The following SPOCK3 variants were observed in gnomAD, a reference collection of about 807,000 sequenced individuals.
SPOCK3 encodes testican-3.
Under a neutral mutation model 56.6 loss-of-function variants are expected in SPOCK3, and 30 were observed. The ratio of observed to expected loss-of-function variants is 0.53; its 90% CI spans 0.40 to 0.72. SPOCK3 has a LOEUF of 0.72. Among genes scored for constraint, SPOCK3 ranks in the 30% least tolerant of loss-of-function variants. SPOCK3 has a pLI of 0.00. For missense variants in SPOCK3, 527 were observed against 530.0 expected (o/e 0.99, Z 0.06); for synonymous variants, 196 against 183.3 (o/e 1.07, Z -0.56).
At chr4:167,164,458 T>G (rs1357762346) in intron 2 of SPOCK3, among the ~76,000 whole-genome samples, 1 of 152,146 alleles carries the variant, frequency 6.6e-6, no homozygotes, top group African/African-American at 2.4e-5. Context: ...AAGTTCAGGA[T>G]ACATGTGCAG....
At chr4:166,941,184 C>A (rs1006519702) in intron 4 of SPOCK3, among the ~76,000 whole-genome samples, 10 of 150,118 alleles carry the variant, frequency 6.7e-5, no homozygotes, top group African/African-American at 2.2e-4. Context: ...TTATGCCTCC[C>A]AAGAATGTAG....
At chr4:166,765,440 G>A (rs1053605353) in intron 7 of SPOCK3, among the ~76,000 whole-genome samples, 1 of 152,178 alleles carries the variant, frequency 6.6e-6, no homozygotes, top group Non-Finnish European at 1.5e-5. Flanking sequence ...TTATTAAAAA[G>A]GGAATCCTTT....
intron 6 of SPOCK3, among the ~76,000 whole-genome samples, chr4:166,861,725 C>T (rs868167592): frequency 6.6e-6 from 1 of 152,046 alleles, no homozygotes; most frequent in Non-Finnish European, 1.5e-5. Flanking sequence ...TCCTAAGAGC[C>T]TGATTAGACA....
chr4:167,140,853 T>A (rs570423085), intron 2 of SPOCK3, among the ~76,000 whole-genome samples: 4 of 152,164 alleles, frequency 2.6e-5, no homozygotes, highest in African/African-American at 9.6e-5. Context: ...TCGTTCTCTC[T>A]GCTTTAAAGA....
chr4:167,206,526 G>A (rs1734352315), intron 2 of SPOCK3, among the ~76,000 whole-genome samples: 1 of 151,902 alleles, frequency 6.6e-6, no homozygotes, highest in South Asian at 2.1e-4. Flanking sequence ...TGTTTAAAAA[G>A]TTCATCAGCA....
At chr4:166,875,858 G>C (rs1015364628) in intron 6 of SPOCK3, among the ~76,000 whole-genome samples, 44 of 152,124 alleles carry the variant, frequency 2.9e-4, no homozygotes, top group African/African-American at 9.4e-4. Context: ...TCAGAAATTT[G>C]GTCAGTAATT....
At chr4:166,740,584 G>A (rs1316282173) in intron 9 of SPOCK3, among the ~76,000 whole-genome samples, 1 of 151,404 alleles carries the variant, frequency 6.6e-6, no homozygotes. Flanking sequence ...GGTGTACGGT[G>A]GTGCCATCTC....
intron 4 of SPOCK3, among the ~76,000 whole-genome samples, chr4:166,931,124 G>A (rs1192088933): frequency 3.9e-5 from 6 of 152,162 alleles, no homozygotes; most frequent in African/African-American, 4.8e-5. Flanking sequence ...TGAGATGACA[G>A]GCGCCCGCCA....
chr4:167,063,833 G>A (rs932800509), intron 2 of SPOCK3, among the ~76,000 whole-genome samples: 10 of 151,754 alleles, frequency 6.6e-5, no homozygotes, highest in East Asian at 3.9e-4. Flanking sequence ...TTCCACCCAC[G>A]TTGAGGCAAA....
At chr4:167,097,858 G>A (rs913962361) in intron 2 of SPOCK3, among the ~76,000 whole-genome samples, 1 of 152,004 alleles carries the variant, frequency 6.6e-6, no homozygotes, top group Non-Finnish European at 1.5e-5. Flanking sequence ...GGAATACCAT[G>A]CAGCCATAGA....
chr4:167,233,871 TA>T (rs1396656358), intron 2 of SPOCK3, 113 bp downstream of exon 2: 3 of 915,898 alleles, frequency 3.3e-6, no homozygotes, highest in Non-Finnish European at 5.2e-6. Flanking sequence ...CGCGTTTCCC[TA>T]AACCCCTCTC....
At chr4:167,069,990 T>C (rs1276721286) in intron 2 of SPOCK3, among the ~76,000 whole-genome samples, 1 of 151,952 alleles carries the variant, frequency 6.6e-6, no homozygotes, top group Non-Finnish European at 1.5e-5. Context: ...AAACTTACTT[T>C]CCTGACTAAC....
At chr4:167,183,536 T>C (rs908096363) in intron 2 of SPOCK3, among the ~76,000 whole-genome samples, 1 of 152,128 alleles carries the variant, frequency 6.6e-6, no homozygotes, top group African/African-American at 2.4e-5. Flanking sequence ...AATGTGATAC[T>C]GAAGTGCTTT....
chr4:167,019,326 TA>T (rs1011129759), intron 3 of SPOCK3, among the ~76,000 whole-genome samples: 2 of 152,160 alleles, frequency 1.3e-5, no homozygotes, highest in Admixed American at 6.6e-5. Context: ...AATAAAAGGC[TA>T]AATTTTTCTG....
At chr4:166,777,787 T>C (rs553075048) in intron 7 of SPOCK3, among the ~76,000 whole-genome samples, 1 of 152,274 alleles carries the variant, frequency 6.6e-6, no homozygotes, top group African/African-American at 2.4e-5. Context: ...CCAAAAAACC[T>C]GGGGTTAAAT....
chr4:167,208,207 G>GA (rs899044786), intron 2 of SPOCK3, among the ~76,000 whole-genome samples: 18 of 150,398 alleles, frequency 1.2e-4, no homozygotes, highest in South Asian at 2.1e-4. Context: ...CGAAAAGTGG[G>GA]AAAAAAAAAC....
At chr4:167,200,112 A>G (rs1733373099) in intron 2 of SPOCK3, among the ~76,000 whole-genome samples, 1 of 152,084 alleles carries the variant, frequency 6.6e-6, no homozygotes, top group African/African-American at 2.4e-5. Flanking sequence ...TGTTCCATAG[A>G]TATTACTAAA....
intron 2 of SPOCK3, among the ~76,000 whole-genome samples, chr4:167,127,019 T>A (rs1762338270): frequency 6.6e-6 from 1 of 152,090 alleles, no homozygotes. Flanking sequence ...CGTGTCCTGG[T>A]GATGAATGGC....
In SPOCK3 at chr4:166,940,867, G is replaced by A. The variant is rs971766427; in HGVS notation, c.351-28124C>T. 8.8e-5 allele frequency among the ~76,000 whole-genome samples: 13 copies of A among 147,966 alleles called. 1 individual carries two copies. The highest frequency in any genetic ancestry group is 6.7e-5 in the Admixed American group (1 of 14,944). On this transcript the variant is annotated intron_variant, in intron 4 of 10. Transcript: ENST00000357545. ...CTCTTCCCACCTCCTTATGAAGAAC[G>A]TAAGACCCTGTTAAGGAAGTTTCCC...
Sources: allele counts gnomAD v4.1 joint callset (sites outside exome capture counted in the v4.1 genomes callset), GRCh38; gene constraint gnomAD v4.1.1; transcripts MANE v1.5; gene names NCBI Gene and HGNC (gene_info 2026-07-23, HGNC 2026-07-21).